The following ANKFN1 variants were observed in gnomAD, a reference collection of about 807,000 sequenced individuals.
ANKFN1 encodes the protein ankyrin repeat and fibronectin type-III domain-containing protein 1.
In ANKFN1, 74 loss-of-function variants were observed where a neutral mutation model predicts 108.7. The observed-to-expected ratio is 0.68, with a 90% CI of 0.56 to 0.83. The LOEUF (loss-of-function observed/expected upper bound fraction) is 0.83. Among genes scored for constraint, ANKFN1 ranks in the 40% least tolerant of loss-of-function variants. ANKFN1 has a pLI of 0.00. For synonymous variants in ANKFN1, 547 were observed against 516.2 expected (o/e 1.06, Z -0.81); for missense variants, 1,505 against 1,382.3 (o/e 1.09, Z -1.41).
At chr17:56,209,689 G>A (rs1914819271) in intron 1 of ANKFN1, among the ~76,000 whole-genome samples, 1 of 152,048 alleles carries the variant, frequency 6.6e-6, no homozygotes, top group Non-Finnish European at 1.5e-5. Context: ...TATTTCAATA[G>A]GCTTTTGGGG....
At chr17:56,355,926 A>G (rs922938269) in intron 6 of ANKFN1, among the ~76,000 whole-genome samples, 2 of 152,144 alleles carry the variant, frequency 1.3e-5, no homozygotes, top group Admixed American at 6.5e-5. Flanking sequence ...ACATCATACC[A>G]TTGACTATTA....
chr17:56,467,966 A>G lies in ANKFN1; in HGVS notation c.1773+1395A>G, dbSNP rs138700669. 3.2e-3 allele frequency among the ~76,000 whole-genome samples: 482 copies of G among 152,326 alleles called. 2 individuals carry two copies. Among genetic ancestry groups the G allele is most frequent in the Non-Finnish European group, 5.5e-3 (372 of 68,026 alleles). On this transcript the variant is annotated intron_variant, in intron 15 of 20. Transcript: ENST00000682825. Reference sequence around the variant, plus strand: ...TTGATGTCCTTCAGCCTTCACTTGTACAAGCCTCTTCTATGTCCTTGCAGG... The same window carrying G: ...TTGATGTCCTTCAGCCTTCACTTGTGCAAGCCTCTTCTATGTCCTTGCAGG...
intron 4 of ANKFN1, among the ~76,000 whole-genome samples, chr17:56,139,256 C>A (rs985842564): frequency 3.3e-5 from 5 of 152,092 alleles, no homozygotes; most frequent in African/African-American, 1.2e-4. Flanking sequence ...TCACTAAGAA[C>A]AAATCATGGC....
At chr17:56,307,094 C>CT (rs1398002013) in intron 3 of ANKFN1, among the ~76,000 whole-genome samples, 112 of 152,182 alleles carry the variant, frequency 7.4e-4, no homozygotes, top group African/African-American at 2.4e-3. Context: ...GGATTAAAGA[C>CT]TAAATGTTAG....
intron 4 of ANKFN1, among the ~76,000 whole-genome samples, chr17:56,059,026 G>T (rs1189556730): frequency 6.6e-6 from 1 of 152,170 alleles, no homozygotes; most frequent in Non-Finnish European, 1.5e-5. Flanking sequence ...TTCCACAATG[G>T]TTGAACTAAT....
chr17:56,457,014 T>G (rs1361794366), intron 12 of ANKFN1, 54 bp downstream of exon 12: 1 of 1,521,098 alleles, frequency 6.6e-7, no homozygotes, highest in Non-Finnish European at 9.0e-7. Context: ...AATGCACTGG[T>G]TTTGGTTCTG....
chr17:56,376,530 C>G (rs1193150961), intron 8 of ANKFN1, among the ~76,000 whole-genome samples: 2 of 152,218 alleles, frequency 1.3e-5, no homozygotes, highest in African/African-American at 4.8e-5. Flanking sequence ...CTTTCTGCCT[C>G]TCTCCAGCTC....
intron 4 of ANKFN1, among the ~76,000 whole-genome samples, chr17:56,098,132 T>C (rs1905567851): frequency 6.6e-6 from 1 of 151,948 alleles, no homozygotes; most frequent in African/African-American, 2.4e-5. Context: ...CAATCACAAG[T>C]CAAAGAATTG....
intron 1 of ANKFN1, among the ~76,000 whole-genome samples, chr17:56,189,652 T>C (rs905742636): frequency 6.6e-6 from 1 of 152,160 alleles, no homozygotes; most frequent in Non-Finnish European, 1.5e-5. Context: ...TGCCAGCTTA[T>C]GATTGATAAA....
Position 56,361,833 on chromosome 17 carries a change from A to G in ANKFN1, c.601+7787A>G, listed in dbSNP as rs909959974. Among the ~76,000 whole-genome samples the G allele has an allele frequency of 2.0e-5, 3 of 152,176 alleles. 1 individual carries two copies. The highest frequency in any genetic ancestry group is 1.3e-4 in the Admixed American group (2 of 15,280). ...CATTTCTTGCTATATGGGTCTCTCCATATGGCTACTCTATGACATGGCAGT... is the reference window on the plus strand; with the variant it reads ...CATTTCTTGCTATATGGGTCTCTCCGTATGGCTACTCTATGACATGGCAGT... On this transcript the variant is annotated intron_variant, in intron 6 of 20. Coordinates refer to ENST00000682825, the MANE Select transcript of ANKFN1 (RefSeq NM_001370326.1).
chr17:56,277,509 C>T (rs1370373251), intron 3 of ANKFN1, among the ~76,000 whole-genome samples: 2 of 151,976 alleles, frequency 1.3e-5, no homozygotes, highest in Non-Finnish European at 2.9e-5. Context: ...TCTTGAATGC[C>T]TCATGTACAT....
intron 3 of ANKFN1, among the ~76,000 whole-genome samples, chr17:56,302,517 C>CAAAAAA (rs774091391): frequency 4.1e-5 from 4 of 96,452 alleles, no homozygotes; most frequent in African/African-American, 1.2e-4. Context: ...CTAGCCTCTA[C>CAAAAAA]AAAAAAAAAA....
intron 3 of ANKFN1, among the ~76,000 whole-genome samples, chr17:56,299,670 C>T (rs1483968885): frequency 6.6e-6 from 1 of 152,132 alleles, no homozygotes; most frequent in Non-Finnish European, 1.5e-5. Flanking sequence ...TGTCTCCCTC[C>T]TCATCTGTAG....
At chr17:56,301,854 G>A (rs1452986684) in intron 3 of ANKFN1, among the ~76,000 whole-genome samples, 1 of 152,194 alleles carries the variant, frequency 6.6e-6, no homozygotes, top group African/African-American at 2.4e-5. Flanking sequence ...ACAGGAAGTA[G>A]CCAGTCTTAG....
chr17:56,112,589 T>G (rs2143257265), intron 4 of ANKFN1, among the ~76,000 whole-genome samples: 1 of 152,242 alleles, frequency 6.6e-6, no homozygotes, highest in South Asian at 2.1e-4. Flanking sequence ...TTTCTAAAAA[T>G]GAACAGGAAC....
intron 4 of ANKFN1, among the ~76,000 whole-genome samples, chr17:56,350,509 G>C (rs140722176): frequency 6.6e-6 from 1 of 152,278 alleles, no homozygotes; most frequent in East Asian, 1.9e-4. Context: ...GAATGAATAT[G>C]TTTATATAGT....
chr17:56,477,349 TAC>T, intron 15 of ANKFN1, 137 bp from the exon 16 acceptor site: 1 of 747,780 alleles, frequency 1.3e-6, no homozygotes, highest in African/African-American at 1.8e-5. Flanking sequence ...ATTCATGGTA[TAC>T]CTGAGGTTTC....
chr17:56,414,565 T>A (rs977905395), intron 8 of ANKFN1, among the ~76,000 whole-genome samples: 1 of 152,168 alleles, frequency 6.6e-6, no homozygotes, highest in Non-Finnish European at 1.5e-5. Flanking sequence ...GCAGGATTTA[T>A]CCCAGGGATG....
At chr17:56,292,781 A>G (rs1248193673) in intron 3 of ANKFN1, among the ~76,000 whole-genome samples, 3 of 152,234 alleles carry the variant, frequency 2.0e-5, no homozygotes. Flanking sequence ...GCTAGAAAAG[A>G]GCACAGGATG....
Sources: gnomAD v4.1 joint callset for allele counts (sites outside exome capture counted in the v4.1 genomes callset) on GRCh38, gnomAD v4.1.1 for gene constraint, MANE v1.5 for transcripts, NCBI Gene and HGNC (gene_info 2026-07-23, HGNC 2026-07-21) for gene names.